Variants in GLRB observed in about 807,000 individuals in gnomAD.
The protein encoded by GLRB is glycine receptor subunit beta.
In GLRB, 33 loss-of-function variants were observed where a neutral mutation model predicts 54.2. That is an observed-to-expected ratio of 0.61 (90% CI 0.46 to 0.81). The LOEUF is 0.81. GLRB is among the 40% of genes least tolerant of loss of function. GLRB has a pLI of 0.00. For missense variants in GLRB, 572 were observed against 584.6 expected (o/e 0.98, Z 0.22); for synonymous variants, 209 against 208.2 (o/e 1.00, Z -0.03).
Position 157,136,810 on chromosome 4 carries a change from T to C in GLRB, c.534T>C (p.Ser178=), listed in dbSNP as rs762918908. 6.2e-7 allele frequency: 1 copy of C among 1,605,946 alleles called. No individual in the cohort carries two copies. Among genetic ancestry groups the C allele is most frequent in the Non-Finnish European group, 8.5e-7 (1 of 1,172,570 alleles). ...GACCCATTTCTGCTTCCAGGTTATC[T>C]ATTACTCTTTCATGCCCTTTGGACT... ...DGDVLVSMRL[S]ITLSCPLDLT... is the part of the protein sequence containing the mutation. Residue 178 remains serine, a synonymous_variant, in exon 6 of 10, where the codon TCT becomes TCC. Transcript: ENST00000264428.
chr4:157,145,905 G>A (rs908082806), intron 8 of GLRB, among the ~76,000 whole-genome samples: 1 of 152,128 alleles, frequency 6.6e-6, no homozygotes, highest in Non-Finnish European at 1.5e-5. Flanking sequence ...GAACAAGGAG[G>A]CCACTGTGGC....
intron 8 of GLRB, among the ~76,000 whole-genome samples, chr4:157,148,496 A>G (rs1232687727): frequency 1.3e-5 from 2 of 152,186 alleles, no homozygotes; most frequent in Non-Finnish European, 1.5e-5. Context: ...TAACATGAAC[A>G]TTTACAGTTG....
At chr4:157,095,922 G>A (rs1455125190) in intron 2 of GLRB, among the ~76,000 whole-genome samples, 1 of 152,140 alleles carries the variant, frequency 6.6e-6, no homozygotes, top group African/African-American at 2.4e-5. Flanking sequence ...TGAGGGCAAG[G>A]ACAAGTGGAA....
intron 9 of GLRB, among the ~76,000 whole-genome samples, chr4:157,168,347 C>A (rs533826053): frequency 6.6e-6 from 1 of 152,186 alleles, no homozygotes; most frequent in Admixed American, 6.5e-5. Context: ...TTCTTAGAAG[C>A]GAATTTGGCT....
chr4:157,079,469 C>T (rs367783756), intron 2 of GLRB, among the ~76,000 whole-genome samples: 1 of 152,138 alleles, frequency 6.6e-6, no homozygotes, highest in East Asian at 1.9e-4. Context: ...TCATGATCCA[C>T]GTAATGTCTA....
intron 4 of GLRB, among the ~76,000 whole-genome samples, chr4:157,123,967 G>A (rs1735924938): frequency 6.6e-6 from 1 of 151,494 alleles, no homozygotes; most frequent in African/African-American, 2.4e-5. Flanking sequence ...AGCTCAGTAG[G>A]TATCATTAAT....
chr4:157,101,195 A>G (rs1735012963), intron 2 of GLRB, among the ~76,000 whole-genome samples: 1 of 152,168 alleles, frequency 6.6e-6, no homozygotes, highest in South Asian at 2.1e-4. Context: ...CATTCATGGT[A>G]TTAATCATTT....
At position 157,098,861 on chromosome 4, in the gene GLRB, G is replaced by A. The variant is rs376825234; in HGVS notation, c.122+20715G>A. 5.7e-4 allele frequency among the ~76,000 whole-genome samples: 87 copies of A among 152,216 alleles called. 1 individual carries two copies. Among genetic ancestry groups the A allele is most frequent in the African/African-American group, 2.1e-3 (87 of 41,540 alleles). ...GACCTCAGGCAATCCACCTGCCTTG[G>A]CCTCCCAAAGTGCTGGGATTACAGG... is the stretch of plus-strand genomic sequence containing the variant. On this transcript the variant is annotated intron_variant, in intron 2 of 9. Transcript: ENST00000264428.
chr4:157,095,996 C>T (rs555432980), intron 2 of GLRB, among the ~76,000 whole-genome samples: 1 of 152,206 alleles, frequency 6.6e-6, no homozygotes, highest in East Asian at 1.9e-4. Flanking sequence ...GTAGTGGAAG[C>T]CCACAGTGTG....
chr4:157,127,715 C>A (rs1426093093), intron 4 of GLRB, among the ~76,000 whole-genome samples: 4 of 151,772 alleles, frequency 2.6e-5, no homozygotes, highest in Admixed American at 6.6e-5. Context: ...AAGCAGTTGT[C>A]ATGCAAGGAA....
Position 157,076,220 on chromosome 4 carries a change from C to A in GLRB, c.-107C>A, listed in dbSNP as rs956831170. ...AGCTGCCCCCGCTCGGCGCCCGCTGCACCCTTAGCAGCCACTGCCACCTGG... is the reference window on the plus strand; with the variant it reads ...AGCTGCCCCCGCTCGGCGCCCGCTGAACCCTTAGCAGCCACTGCCACCTGG... On this transcript the variant is annotated 5_prime_UTR_variant, in exon 1 of 10. Coordinates refer to ENST00000264428, the MANE Select transcript of GLRB (RefSeq NM_000824.5). 6.6e-6 allele frequency: 1 copy of A among 150,628 alleles called. No individual in the cohort carries two copies. Among genetic ancestry groups the A allele is most frequent in the Non-Finnish European group, 1.5e-5 (1 of 67,604 alleles). The allele number at this position is 150,628 out of a possible 1,614,324, so 9.3% of individuals were successfully genotyped here. A position where few individuals can be genotyped will look rare whatever the true frequency, so the allele number is the denominator to read the frequency against.
Position 157,138,856 on chromosome 4 carries a change from C to A in GLRB, c.658C>A (p.Pro220Thr), listed in dbSNP as rs1473060681. 5 of 1,562,272 alleles carry A rather than the reference C, an allele frequency of 3.2e-6. No homozygotes were observed. The highest frequency in any genetic ancestry group is 4.4e-6 in the Non-Finnish European group (5 of 1,133,826). ...DLRFIWQSGDPVQLEKIALPQ... is the reference protein window; with the variant it reads ...DLRFIWQSGDTVQLEKIALPQ... ...ACGATTTATCTGGCAGTCAGGAGAT[C>A]CTGTGCAATTAGAAAAAATTGCCTT... The change falls in exon 7 of 10, where the codon CCT becomes ACT. Residue 220 changes from proline to threonine, a missense_variant. Pro to Thr is a conservative substitution (Grantham distance 38). Coordinates refer to ENST00000264428, the MANE Select transcript of GLRB (RefSeq NM_000824.5).
chr4:157,159,558 G>T (rs1039151272), intron 9 of GLRB, among the ~76,000 whole-genome samples: 5 of 152,066 alleles, frequency 3.3e-5, no homozygotes, highest in Non-Finnish European at 4.4e-5. Context: ...GTTGAATTTT[G>T]TGGAAGGCCT....
chr4:157,129,623 CA>C (rs949084346), intron 4 of GLRB, among the ~76,000 whole-genome samples: 7 of 151,664 alleles, frequency 4.6e-5, no homozygotes, highest in Non-Finnish European at 8.8e-5. Flanking sequence ...TGAAATAAGA[CA>C]TAATAATCAG....
At chr4:157,122,246 T>C (rs888792337) in intron 3 of GLRB, 84 bp from the exon 4 acceptor site, 28 of 601,112 alleles carry the variant, frequency 4.7e-5, no homozygotes, top group Middle Eastern at 4.2e-4. Context: ...AATATAATAA[T>C]TAAATGTGCA....
intron 9 of GLRB, among the ~76,000 whole-genome samples, chr4:157,168,836 A>G (rs1245506971): frequency 6.6e-6 from 1 of 152,176 alleles, no homozygotes; most frequent in East Asian, 1.9e-4. Flanking sequence ...ATATAACATC[A>G]ATATATGCTC....
chr4:157,164,894 T>A (rs2126629226), intron 9 of GLRB, among the ~76,000 whole-genome samples: 1 of 152,248 alleles, frequency 6.6e-6, no homozygotes, highest in South Asian at 2.1e-4. Context: ...ATTAAAATAA[T>A]TACCCAATAA....
intron 9 of GLRB, among the ~76,000 whole-genome samples, chr4:157,153,987 GC>G (rs1737128039): frequency 6.6e-6 from 1 of 152,182 alleles, no homozygotes; most frequent in Non-Finnish European, 1.5e-5. Flanking sequence ...GTATGGTGCT[GC>G]CTGTGGCCTT....
intron 3 of GLRB, among the ~76,000 whole-genome samples, chr4:157,121,963 T>G (rs1735838959): frequency 6.6e-6 from 1 of 151,538 alleles, no homozygotes; most frequent in Non-Finnish European, 1.5e-5. Context: ...AATGAAACCC[T>G]GTTTTCAAAA....
Sources: gnomAD v4.1 joint callset for allele counts (sites outside exome capture counted in the v4.1 genomes callset) on GRCh38, gnomAD v4.1.1 for gene constraint, MANE v1.5 for transcripts, NCBI Gene and HGNC (gene_info 2026-07-23, HGNC 2026-07-21) for gene names.